XPO5: variants seen among roughly 807,000 people sequenced by gnomAD.
XPO5 encodes the protein exportin 5.
XPO5 carries 46 observed loss-of-function variants against 160.6 expected under a neutral mutation model. That is an observed-to-expected ratio of 0.29 (90% CI 0.23 to 0.37). The LOEUF (loss-of-function observed/expected upper bound fraction) is 0.37. Among genes scored for constraint, XPO5 ranks in the 10% least tolerant of loss-of-function variants. The pLI, the probability that XPO5 is intolerant of heterozygous loss-of-function variation, is 1.00. For synonymous variants in XPO5, 537 were observed against 519.3 expected, an observed-to-expected ratio of 1.03 and a Z score of -0.46; for missense variants, 1,090 against 1,463.9, an observed-to-expected ratio of 0.74 and a Z score of 4.17.
chr6:43,538,850 G>T, intron 20 of XPO5: 1 of 1,236,040 alleles, frequency 8.1e-7, no homozygotes, highest in Non-Finnish European at 1.1e-6. Flanking sequence ...TGGAGCCTGG[G>T]TCTGCTGCAC....
At chr6:43,546,912 G>A (rs541179997) in intron 19 of XPO5, among the ~76,000 whole-genome samples, 160 bp from the exon 20 acceptor site, 5 of 152,014 alleles carry the variant, frequency 3.3e-5, no homozygotes, top group Non-Finnish European at 7.4e-5. Flanking sequence ...TTCCTTTAAG[G>A]TGAAGTCCAA....
chr6:43,525,296 G>C, intron 28 of XPO5, 82 bp from the exon 29 acceptor site: 1 of 1,366,072 alleles, frequency 7.3e-7, no homozygotes. Context: ...GGAGCCGGAG[G>C]GTTTTTTTTT....
intron 23 of XPO5, 187 bp from the exon 24 acceptor site, chr6:43,529,112 C>A: frequency 9.0e-7 from 1 of 1,113,946 alleles, no homozygotes; most frequent in Non-Finnish European, 1.3e-6. Flanking sequence ...ATATTGAATT[C>A]CATTATACTC....
chr6:43,570,048 G>A (rs1351945014), intron 5 of XPO5, among the ~76,000 whole-genome samples: 3 of 131,340 alleles, frequency 2.3e-5, no homozygotes, highest in African/African-American at 5.9e-5. Context: ...GCCAGGTGCC[G>A]TGGCTCACAC....
intron 7 of XPO5, among the ~76,000 whole-genome samples, chr6:43,566,009 C>A (rs1161865917): frequency 6.6e-6 from 1 of 152,168 alleles, no homozygotes; most frequent in East Asian, 1.9e-4. Context: ...GTAATCCCAG[C>A]ACTTTGGGAG....
chr6:43,537,022 AGT>A (rs776056516), intron 20 of XPO5, among the ~76,000 whole-genome samples: 4 of 152,128 alleles, frequency 2.6e-5, no homozygotes, highest in Non-Finnish European at 5.9e-5. Flanking sequence ...GCTGGATTGC[AGT>A]GGTGTGTTCA....
At chr6:43,548,742 G>A (rs569332960) in intron 17 of XPO5, among the ~76,000 whole-genome samples, 26 of 150,608 alleles carry the variant, frequency 1.7e-4, no homozygotes, top group African/African-American at 6.3e-4. Context: ...AGATATATAT[G>A]TATATCTATA....
chr6:43,532,032 G>A (rs949172498), intron 21 of XPO5, among the ~76,000 whole-genome samples: 2 of 152,032 alleles, frequency 1.3e-5, no homozygotes, highest in South Asian at 2.1e-4. Flanking sequence ...TTTACATTTC[G>A]AGTCCTATAG....
chr6:43,562,955 G>C (rs1213266632), intron 8 of XPO5, among the ~76,000 whole-genome samples: 1 of 152,066 alleles, frequency 6.6e-6, no homozygotes, highest in Non-Finnish European at 1.5e-5. Flanking sequence ...TATTAGAATG[G>C]GTAGTAAGAG....
chr6:43,524,306 C>T (rs1419079999), intron 31 of XPO5, among the ~76,000 whole-genome samples, 165 bp downstream of exon 31: 1 of 149,466 alleles, frequency 6.7e-6, no homozygotes. Context: ...GAGCTGAGAT[C>T]GTACCACTGC....
chr6:43,562,007 T>C (rs1762442805), intron 9 of XPO5: 1 of 349,850 alleles, frequency 2.9e-6, no homozygotes, highest in Non-Finnish European at 5.1e-6. Flanking sequence ...GTTGACTTTA[T>C]GGAATAATAG....
At chr6:43,546,439 T>C in intron 20 of XPO5, 132 bp downstream of exon 20, 1 of 868,808 alleles carries the variant, frequency 1.2e-6, no homozygotes, top group South Asian at 3.3e-5. Flanking sequence ...AGACACCCTC[T>C]AGAAAGAAAT....
chr6:43,540,173 T>C (rs1420073058), intron 20 of XPO5, among the ~76,000 whole-genome samples: 1 of 152,132 alleles, frequency 6.6e-6, no homozygotes, highest in Non-Finnish European at 1.5e-5. Flanking sequence ...GGGGATCACC[T>C]GAGGTCAGGA....
chr6:43,564,628 GGTCTCA>G (rs1228011429), intron 8 of XPO5, among the ~76,000 whole-genome samples: 2 of 151,964 alleles, frequency 1.3e-5, no homozygotes, highest in African/African-American at 4.8e-5. Flanking sequence ...TTTGAGACAA[GGTCTCA>G]GTCTGTTGCC....
intron 25 of XPO5, 56 bp from the exon 26 acceptor site, chr6:43,527,787 A>G: frequency 6.3e-7 from 1 of 1,587,756 alleles, no homozygotes; most frequent in Non-Finnish European, 8.6e-7. Context: ...AAGGACAAGG[A>G]AAGCAGCGAC....
At chr6:43,563,815 A>G (rs1762542420) in intron 8 of XPO5, among the ~76,000 whole-genome samples, 1 of 152,214 alleles carries the variant, frequency 6.6e-6, no homozygotes, top group South Asian at 2.1e-4. Context: ...GCAGGACAGA[A>G]AACTGTACTG....
In XPO5 at chr6:43,526,707, A is replaced by T. The variant is rs201381275; in HGVS notation, c.2961T>A (p.Ser987Arg). ...TACCGTCTCCATCTGCTGGGGGAGCACTACTGTGGTCAGCACCCTTCTTTG... is the reference window on the plus strand; with the variant it reads ...TACCGTCTCCATCTGCTGGGGGAGCTCTACTGTGGTCAGCACCCTTCTTTG... ...CVSKKGADHSSAPPADGDDEE... is the reference protein window; with the variant it reads ...CVSKKGADHSRAPPADGDDEE... Residue 987 changes from serine (S) to arginine (R), a missense_variant, in exon 27 of 32, where the codon AGT becomes AGA. By Grantham distance (110) the Ser-to-Arg change is moderately radical. Coordinates refer to ENST00000265351, the MANE Select transcript of XPO5 (RefSeq NM_020750.3). 6.2e-7 allele frequency: 1 copy of T among 1,613,958 alleles called. No individual in the cohort carries two copies. The highest frequency in any genetic ancestry group is 2.2e-5 in the East Asian group (1 of 44,894).
Position 43,524,488 on chromosome 6 carries a change from T to C in XPO5, c.3460A>G (p.Ile1154Val), listed in dbSNP as rs2127697274. ...TGACCTACCCCAATGCAACCAGCAA[T>C]GAGGCGTTTGAATTGGTCCTTTCGG... is the stretch of plus-strand genomic sequence containing the variant. ...KRRKDQFKRLIAGCIGKPLGE... is the reference protein window; with the variant it reads ...KRRKDQFKRLVAGCIGKPLGE... Residue 1154 changes from isoleucine to valine, a missense_variant, in exon 31 of 32, where the codon ATT becomes GTT. Ile to Val is a conservative substitution (Grantham distance 29). Transcript: ENST00000265351. The C allele has an allele frequency of 6.2e-7, 1 of 1,613,488 alleles. No individual in the cohort carries two copies. Among genetic ancestry groups the C allele is most frequent in the East Asian group, 2.2e-5 (1 of 44,874 alleles).
At chr6:43,539,003 C>A (rs1017371435) in intron 20 of XPO5, 40 of 1,528,812 alleles carry the variant, frequency 2.6e-5, no homozygotes, top group Non-Finnish European at 3.5e-5. Context: ...GGCGAAGTTG[C>A]CCAGGGTGGC....
Sources: gnomAD v4.1 joint callset for allele counts (sites outside exome capture counted in the v4.1 genomes callset) on GRCh38, gnomAD v4.1.1 for gene constraint, MANE v1.5 for transcripts, NCBI Gene and HGNC (gene_info 2026-07-23, HGNC 2026-07-21) for gene names.